AACS: variants seen among roughly 807,000 people sequenced by gnomAD.
AACS encodes the protein acetoacetyl-CoA synthetase.
AACS carries 69 observed loss-of-function variants against 83.1 expected under a neutral mutation model. That is an observed-to-expected ratio of 0.83 (90% CI 0.68 to 1.01). AACS has a LOEUF of 1.01. Ranked by LOEUF, AACS falls within the 50% of genes least tolerant of loss-of-function variation. The probability of loss-of-function intolerance (pLI) is 0.00; values close to 1 mark genes in which losing one functional copy is unlikely to be tolerated. For missense variants in AACS, 866 were observed against 882.2 expected, an observed-to-expected ratio of 0.98 and a Z score of 0.23; for synonymous variants, 333 against 343.4, an observed-to-expected ratio of 0.97 and a Z score of 0.33.
intron 17 of AACS, chr12:125,141,711 GAAAA>G (rs59709644): frequency 0.16 from 14,111 of 87,486 alleles, 1,089 homozygotes; most frequent in African/African-American, 0.25. Flanking sequence ...AAAAAAAAAA[GAAAA>G]AAAAAGAAAA....
intron 17 of AACS, 142 bp from the exon 18 acceptor site, chr12:125,141,950 A>C: frequency 1.0e-6 from 1 of 992,198 alleles, no homozygotes; most frequent in Non-Finnish European, 1.5e-6. Context: ...CCTGGTGGGA[A>C]GAGGGGCATC....
At chr12:125,071,567 G>A (rs1955862981) in intron 1 of AACS, among the ~76,000 whole-genome samples, 1 of 152,220 alleles carries the variant, frequency 6.6e-6, no homozygotes, top group African/African-American at 2.4e-5. Context: ...TTTTAAGTGT[G>A]AGCAGCTTGC....
intron 5 of AACS, among the ~76,000 whole-genome samples, chr12:125,099,027 C>T (rs550533836): frequency 1.3e-5 from 2 of 152,306 alleles, no homozygotes; most frequent in Admixed American, 1.3e-4. Context: ...TATCTTTTAC[C>T]AAGTGCGAAA....
rs1262207482 is a variant in AACS at position 125,136,854 on chromosome 12, A to G, written c.1871A>G (p.Lys624Arg). 1.7e-5 allele frequency: 28 copies of G among 1,613,234 alleles called. No homozygotes were observed. The highest frequency in any genetic ancestry group is 2.1e-5 in the Non-Finnish European group (25 of 1,180,010). The change falls in exon 17 of 18, where the codon AAG (lysine) becomes AGG (arginine). Residue 624 changes from lysine to arginine, a missense_variant. By Grantham distance (26) the Lys-to-Arg change is conservative. Transcript: ENST00000316519. Reference sequence around the variant, plus strand: ...GTGCCCAGCCTCATCCTGGAAACCAAGGGCATCCCGGTATGGCCATCTCCC... The same window carrying G: ...GTGCCCAGCCTCATCCTGGAAACCAGGGGCATCCCGGTATGGCCATCTCCC... ...RHVPSLILET[K>R]GIPYTLNGKK...
rs532877546 is a variant in AACS at position 125,114,402 on chromosome 12, G to A, written c.916-75G>A. On this transcript the variant is annotated intron_variant, in intron 8 of 17. Coordinates refer to ENST00000316519, the MANE Select transcript of AACS (RefSeq NM_023928.5). ...TTCTTCCTGGCAGCGTCTGAGCAGC[G>A]CGTGGGCCAGGTACCAGATTCCTGG... The A allele has an allele frequency of 6.6e-5, 82 of 1,249,794 alleles. 1 individual carries two copies. In the East Asian group the frequency reaches 1.6e-3, roughly 24 times the overall value. 77.4% of individuals were successfully genotyped at this position (1,249,794 alleles called of 1,614,324 possible). A position where few individuals can be genotyped will look rare whatever the true frequency, so the allele number is the denominator to read the frequency against.
chr12:125,090,166 TCC>T lies in AACS; in HGVS notation c.473-1259_473-1258del, dbSNP rs1956440387. On this transcript the variant is annotated intron_variant, in intron 4 of 17. Transcript: ENST00000316519. Reference sequence around the variant, plus strand: ...CATCATCCATCCATCTATCCATCCATCCTGTCTATACATTCTTCTCTCCATCT... The same window carrying T: ...CATCATCCATCCATCTATCCATCCATTGTCTATACATTCTTCTCTCCATCT... 1.7e-3 allele frequency among the ~76,000 whole-genome samples: 13 copies of T among 7,872 alleles called. 1 individual carries two copies. The highest frequency in any genetic ancestry group is 3.4e-3 in the East Asian group (1 of 292). The allele number at this position is 7,872 out of a possible 152,430, so 5.2% of individuals were successfully genotyped here.
rs573261809 is a variant in AACS, at chr12:125,128,253, G to T, written c.1402G>T (p.Val468Leu). The change falls in exon 13 of 18, where the codon GTG (valine) becomes TTG (leucine). Residue 468 changes from valine to leucine, a missense_variant. Coordinates refer to ENST00000316519, the MANE Select transcript of AACS (RefSeq NM_023928.5). ...TCAGGCCCGGAACCTGGGCATGGCC[G>T]TGGAAGCGTGGAACGAGGAAGGTGA... is the stretch of plus-strand genomic sequence containing the variant. ...EIQARNLGMA[V>L]EAWNEEGKAV... 3.8e-5 allele frequency: 62 copies of T among 1,611,486 alleles called. No individual in the cohort carries two copies. Among genetic ancestry groups the T allele is most frequent in the Admixed American group, 3.3e-5 (2 of 59,860 alleles).
At chr12:125,116,006 A>ACCAGC (rs1957046049) in intron 9 of AACS, among the ~76,000 whole-genome samples, 1 of 151,980 alleles carries the variant, frequency 6.6e-6, no homozygotes, top group South Asian at 2.1e-4. Context: ...GCTCTCTGTG[A>ACCAGC]CCAGCTGTGA....
rs1023583876 is a variant in AACS at position 125,113,346 on chromosome 12, T to A, written c.916-1131T>A. The stretch of plus-strand genomic sequence containing the variant: ...CTTTGTGATGAGCCAGAGGCTCACA[T>A]CTGTGGACCAGACTGAAGGGCAGTG... On this transcript the variant is annotated intron_variant, in intron 8 of 17. Transcript: ENST00000316519. This position sits in a 1 kb window ranked among gnomAD's most constrained non-coding sequence, Gnocchi z 4.8. Among the ~76,000 whole-genome samples the A allele has an allele frequency of 6.6e-6, 1 of 152,252 alleles. No individual in the cohort carries two copies. Among genetic ancestry groups the A allele is most frequent in the Admixed American group, 6.5e-5 (1 of 15,292 alleles).
intron 9 of AACS, among the ~76,000 whole-genome samples, chr12:125,117,018 C>T (rs1957066065): frequency 6.6e-6 from 1 of 152,090 alleles, no homozygotes; most frequent in Admixed American, 6.6e-5. Flanking sequence ...TCATGGCTCA[C>T]TGCAGCCTCC....
At chr12:125,118,868 C>A in intron 10 of AACS, 103 bp downstream of exon 10, 1 of 1,479,748 alleles carries the variant, frequency 6.8e-7, no homozygotes, top group Non-Finnish European at 9.0e-7. Flanking sequence ...GTGGTCGGGG[C>A]GTCTCCAGCA....
chr12:125,086,595 T>C lies in AACS; in HGVS notation c.472+152T>C, dbSNP rs1015053849. On this transcript the variant is annotated intron_variant, in intron 4 of 17. Transcript: ENST00000316519. Reference sequence around the variant, plus strand: ...GGACTCTACATGCAAGGAGAAAAAATAGACCAAGGAAAATTGCTGAAAGAA... The same window carrying C: ...GGACTCTACATGCAAGGAGAAAAAACAGACCAAGGAAAATTGCTGAAAGAA... 6 of 690,498 alleles carry C rather than the reference T, an allele frequency of 8.7e-6. No individual in the cohort carries two copies. In the Admixed American group the frequency reaches 1.2e-4, roughly 14 times the overall value. 42.8% of individuals were successfully genotyped at this position (690,498 alleles called of 1,614,324 possible). A position where few individuals can be genotyped will look rare whatever the true frequency, so the allele number is the denominator to read the frequency against.
chr12:125,103,987 C>CGA (rs1956776834), intron 7 of AACS, among the ~76,000 whole-genome samples: 1 of 41,182 alleles, frequency 2.4e-5, no homozygotes, highest in East Asian at 7.8e-4. Context: ...AACTCCGTCT[C>CGA]AAAAAAAAAA....
intron 16 of AACS, chr12:125,136,080 C>T (rs571815121): frequency 4.9e-4 from 75 of 152,328 alleles, no homozygotes; most frequent in Non-Finnish European, 8.3e-4. Flanking sequence ...GACAGGGTCT[C>T]ACTCTGTTGG....
chr12:125,119,150 G>A (rs1439135666), intron 10 of AACS, among the ~76,000 whole-genome samples: 1 of 152,186 alleles, frequency 6.6e-6, no homozygotes, highest in Non-Finnish European at 1.5e-5. Flanking sequence ...AATGAGTACT[G>A]CAGTCAGGCA....
At chr12:125,090,712 T>C (rs1213020321) in intron 4 of AACS, among the ~76,000 whole-genome samples, 1 of 142,614 alleles carries the variant, frequency 7.0e-6, no homozygotes, top group African/African-American at 3.1e-5. Context: ...CCATTCATCA[T>C]TCCTCATCCA....
At position 125,066,450 on chromosome 12, in the gene AACS, AT is replaced by A. The variant is rs34299644; in HGVS notation, c.133+751del. On this transcript the variant is annotated intron_variant, in intron 1 of 17. Coordinates refer to ENST00000316519, the MANE Select transcript of AACS (RefSeq NM_023928.5). Reference sequence around the variant, plus strand: ...TGCCTCCCCTAGGTATTCCTAGGGGATTTTTTTTTTTTTTTTTTGAGACAGT... The same window carrying A: ...TGCCTCCCCTAGGTATTCCTAGGGGATTTTTTTTTTTTTTTTTGAGACAGT... Among the ~76,000 whole-genome samples, 558 of 106,886 alleles carry A rather than the reference AT, an allele frequency of 5.2e-3. 3 individuals are homozygous for A. Among genetic ancestry groups the A allele is most frequent in the African/African-American group, 9.5e-3 (251 of 26,558 alleles). 70.1% of individuals were successfully genotyped at this position (106,886 alleles called of 152,430 possible).
At chr12:125,112,167 A>G (rs1956966423) in intron 8 of AACS, among the ~76,000 whole-genome samples, 1 of 152,168 alleles carries the variant, frequency 6.6e-6, no homozygotes, top group South Asian at 2.1e-4. Context: ...TCACCCCCAA[A>G]TTATTGCCTA....
In AACS at chr12:125,066,450, A is replaced by ATTT. The variant is rs34299644; in HGVS notation, c.133+749_133+751dup. ...TGCCTCCCCTAGGTATTCCTAGGGG[A>ATTT]TTTTTTTTTTTTTTTTTTGAGACAG... is the stretch of plus-strand genomic sequence containing the variant. On this transcript the variant is annotated intron_variant, in intron 1 of 17. Coordinates refer to ENST00000316519, the MANE Select transcript of AACS (RefSeq NM_023928.5). 2.5e-3 allele frequency among the ~76,000 whole-genome samples: 263 copies of ATTT among 106,882 alleles called. 6 individuals are homozygous for ATTT. Among genetic ancestry groups the ATTT allele is most frequent in the African/African-American group, 6.5e-3 (172 of 26,558 alleles). The allele number at this position is 106,882 out of a possible 152,430, so 70.1% of individuals were successfully genotyped here.
Sources: gnomAD v4.1 joint callset for allele counts (sites outside exome capture counted in the v4.1 genomes callset) on GRCh38, gnomAD v4.1.1 for gene constraint, Gnocchi (gnomAD v3.1) non-coding constraint, MANE v1.5 for transcripts, NCBI Gene and HGNC (gene_info 2026-07-23, HGNC 2026-07-21) for gene names.